Variants in CTNNA2 observed in about 807,000 individuals in gnomAD.
The protein encoded by CTNNA2 is catenin alpha 2.
CTNNA2 carries 42 observed loss-of-function variants against 101.0 expected under a neutral mutation model. The observed-to-expected ratio is 0.42, with a 90% confidence interval of 0.32 to 0.54. The LOEUF (loss-of-function observed/expected upper bound fraction) is 0.54. Among genes scored for constraint, CTNNA2 ranks in the 20% least tolerant of loss-of-function variants. CTNNA2 has a pLI of 0.14. For synonymous variants in CTNNA2, 450 were observed against 456.4 expected (o/e 0.99, Z 0.18); for missense variants, 871 against 1,223.1 (o/e 0.71, Z 4.29).
chr2:79,216,565 G>A (rs1340869478), intron 2 of CTNNA2, among the ~76,000 whole-genome samples: 4 of 151,516 alleles, frequency 2.6e-5, no homozygotes, highest in Middle Eastern at 3.4e-3. Context: ...ATAAGGGGTC[G>A]AGTCATGGAA....
intron 14 of CTNNA2, among the ~76,000 whole-genome samples, chr2:80,584,310 A>G (rs1695787913): frequency 6.6e-6 from 1 of 152,016 alleles, no homozygotes; most frequent in Non-Finnish European, 1.5e-5. Flanking sequence ...AGTGGGAGAT[A>G]AGCTTTTAGT....
chr2:79,563,425 A>G (rs905759755), intron 1 of CTNNA2, among the ~76,000 whole-genome samples: 7 of 152,036 alleles, frequency 4.6e-5, no homozygotes, highest in African/African-American at 1.7e-4. Flanking sequence ...ACAATACACT[A>G]TAGTTAGTTG....
intron 9 of CTNNA2, among the ~76,000 whole-genome samples, chr2:80,467,594 C>A (rs926786156): frequency 6.6e-6 from 1 of 152,176 alleles, no homozygotes; most frequent in South Asian, 2.1e-4. Context: ...GTTAACACTA[C>A]AATGCAATGC....
At chr2:80,142,214 T>C (rs1703057319) in intron 7 of CTNNA2, among the ~76,000 whole-genome samples, 1 of 152,218 alleles carries the variant, frequency 6.6e-6, no homozygotes. Flanking sequence ...GTATTTGACT[T>C]ATGACTTTGC....
intron 1 of CTNNA2, among the ~76,000 whole-genome samples, chr2:79,562,474 A>G (rs1040058801): frequency 1.3e-5 from 2 of 152,048 alleles, no homozygotes; most frequent in East Asian, 3.9e-4. Flanking sequence ...TTTACTTGAT[A>G]GGGTTTTTTA....
intron 7 of CTNNA2, among the ~76,000 whole-genome samples, chr2:79,952,977 G>T (rs1035836176): frequency 2.0e-5 from 3 of 152,214 alleles, no homozygotes; most frequent in Non-Finnish European, 4.4e-5. Context: ...AAGTCTTTCT[G>T]ATGCTGACAA....
At chr2:79,621,340 C>T (rs1678986288) in intron 1 of CTNNA2, among the ~76,000 whole-genome samples, 2 of 152,148 alleles carry the variant, frequency 1.3e-5, no homozygotes, top group African/African-American at 4.8e-5. Flanking sequence ...ATGGCTTATT[C>T]TCCGTTATTG....
At chr2:80,484,468 A>C (rs1686395257) in intron 9 of CTNNA2, among the ~76,000 whole-genome samples, 1 of 152,204 alleles carries the variant, frequency 6.6e-6, no homozygotes, top group South Asian at 2.1e-4. Context: ...GTTCGGCGAA[A>C]AAGGAATATG....
At chr2:80,088,775 T>C (rs1049804283) in intron 7 of CTNNA2, among the ~76,000 whole-genome samples, 1 of 152,066 alleles carries the variant, frequency 6.6e-6, no homozygotes, top group Non-Finnish European at 1.5e-5. Flanking sequence ...GAGTTGTCAC[T>C]TGGGACACTT....
intron 2 of CTNNA2, among the ~76,000 whole-genome samples, chr2:79,658,983 T>A (rs945509377): frequency 6.6e-6 from 1 of 152,084 alleles, no homozygotes; most frequent in African/African-American, 2.4e-5. Flanking sequence ...AAGTTAAAAT[T>A]TCAATTTTAT....
At chr2:79,608,308 T>G (rs1678032175) in intron 1 of CTNNA2, among the ~76,000 whole-genome samples, 1 of 152,030 alleles carries the variant, frequency 6.6e-6, no homozygotes, top group African/African-American at 2.4e-5. Flanking sequence ...TGATGTGGCT[T>G]TATCATTGAC....
intron 12 of CTNNA2, chr2:80,573,054 C>A (rs1694742908): frequency 6.6e-6 from 1 of 152,080 alleles, no homozygotes; most frequent in Admixed American, 6.5e-5. Context: ...ATTAAAGTAT[C>A]CACAGAGGAT....
At chr2:79,521,510 G>A (rs977325295) in intron 1 of CTNNA2, among the ~76,000 whole-genome samples, 2 of 152,064 alleles carry the variant, frequency 1.3e-5, no homozygotes, top group Non-Finnish European at 2.9e-5. Flanking sequence ...ATGGCAAGGG[G>A]AATGGGAATA....
chr2:80,204,072 C>T (rs1707375811), intron 7 of CTNNA2, among the ~76,000 whole-genome samples: 1 of 152,192 alleles, frequency 6.6e-6, no homozygotes, highest in African/African-American at 2.4e-5. Context: ...AGTCCCTAGA[C>T]TGCACACAGC....
chr2:80,296,046 AT>A (rs200392552), intron 7 of CTNNA2, among the ~76,000 whole-genome samples: 5 of 150,918 alleles, frequency 3.3e-5, no homozygotes, highest in South Asian at 2.1e-4. Context: ...TTTCTAGCTT[AT>A]TTTTTTTTAG....
chr2:79,416,309 T>G (rs976361279), intron 4 of CTNNA2, among the ~76,000 whole-genome samples: 2 of 149,644 alleles, frequency 1.3e-5, no homozygotes, highest in African/African-American at 4.9e-5. Context: ...GTCTCCAAGT[T>G]GAGAACAACT....
intron 7 of CTNNA2, among the ~76,000 whole-genome samples, chr2:80,022,759 C>T (rs1336259247): frequency 2.0e-5 from 3 of 152,172 alleles, no homozygotes; most frequent in Non-Finnish European, 4.4e-5. Flanking sequence ...GGAATACAGT[C>T]TGTGAGGAGG....
At chr2:79,388,708 A>G (rs185227950) in intron 4 of CTNNA2, among the ~76,000 whole-genome samples, 1 of 152,190 alleles carries the variant, frequency 6.6e-6, no homozygotes, top group East Asian at 1.9e-4. Flanking sequence ...ACTGACAACT[A>G]CTTCATTCCC....
chr2:79,823,388 C>A lies in CTNNA2; in HGVS notation c.299-34625C>A, dbSNP rs562441092. ...AGAACCATAATCGTGCATGGTATTG[C>A]GTGCTGCTAGTCCCAGCTACTTGGG... On this transcript the variant is annotated intron_variant, in intron 3 of 18. Coordinates refer to ENST00000402739, the MANE Select transcript of CTNNA2 (RefSeq NM_001282597.3). Among the ~76,000 whole-genome samples the A allele has an allele frequency of 2.6e-5, 4 of 152,208 alleles. No individual in the cohort carries two copies. In the East Asian group the frequency reaches 7.7e-4, roughly 29 times the overall value.
Sources: allele counts gnomAD v4.1 joint callset (sites outside exome capture counted in the v4.1 genomes callset), GRCh38; gene constraint gnomAD v4.1.1; transcripts MANE v1.5; gene names NCBI Gene and HGNC (gene_info 2026-07-23, HGNC 2026-07-21).